Variants in RBFOX3 observed in about 807,000 individuals in gnomAD.
The protein encoded by RBFOX3 is RNA binding protein fox-1 homolog 3.
RBFOX3 carries 17 observed loss-of-function variants against 48.7 expected under a neutral mutation model. The ratio of observed to expected loss-of-function variants is 0.35; its 90% CI spans 0.24 to 0.52. The LOEUF (loss-of-function observed/expected upper bound fraction) is 0.52, where lower values mean the gene tolerates loss of function less well. Among genes scored for constraint, RBFOX3 ranks in the 20% least tolerant of loss-of-function variants. The pLI is 0.94. For missense variants in RBFOX3, 382 were observed against 497.5 expected, an observed-to-expected ratio of 0.77 and a Z score of 2.21; for synonymous variants, 212 against 209.5, an observed-to-expected ratio of 1.01 and a Z score of -0.10.
intron 2 of RBFOX3, among the ~76,000 whole-genome samples, chr17:79,417,112 G>C (rs1266887516): frequency 2.0e-5 from 3 of 152,236 alleles, no homozygotes; most frequent in African/African-American, 7.2e-5. Flanking sequence ...GGGGCAGCCA[G>C]GTGTTCTGCC....
In RBFOX3 at chr17:79,117,008, C is replaced by T. The variant is rs370792234; in HGVS notation, c.-33-1260G>A. Among the ~76,000 whole-genome samples the T allele has an allele frequency of 3.8e-3, 582 of 152,322 alleles. 8 individuals are homozygous for T. Among genetic ancestry groups the T allele is most frequent in the African/African-American group, 0.013 (555 of 41,574 alleles). On this transcript the variant is annotated intron_variant, in intron 4 of 14. Transcript: ENST00000693108. Reference sequence around the variant, plus strand: ...CTGAGAAGCAGCCCTGGTGGGGAGCCCTTATGATCCCAAGAGGAGGGCTGG... The same window carrying T: ...CTGAGAAGCAGCCCTGGTGGGGAGCTCTTATGATCCCAAGAGGAGGGCTGG...
At position 79,090,217 on chromosome 17, in the gene RBFOX3, G is replaced by A. The variant is rs2073632493; in HGVS notation, c.*666C>T. 6.6e-6 allele frequency: 1 copy of A among 152,336 alleles called. No homozygotes were observed. Among genetic ancestry groups the A allele is most frequent in the Non-Finnish European group, 1.5e-5 (1 of 68,122 alleles). The allele number at this position is 152,336 out of a possible 1,614,324, so 9.4% of individuals were successfully genotyped here. On this transcript the variant is annotated 3_prime_UTR_variant, in exon 15 of 15. Coordinates refer to ENST00000693108, the MANE Select transcript of RBFOX3 (RefSeq NM_001350451.2). ...TCCCATGGAGCGCCCCTGAGTCCTG[G>A]AGCCACGTCAGCCCTTTCTGTTGGG...
intron 2 of RBFOX3, among the ~76,000 whole-genome samples, chr17:79,382,661 G>T (rs114010623): frequency 0.025 from 3,830 of 152,292 alleles, 161 homozygotes; most frequent in African/African-American, 0.086. Flanking sequence ...ACACTCACGC[G>T]CATTTCCAAG....
At chr17:79,330,749 T>C (rs1207381817) in intron 2 of RBFOX3, among the ~76,000 whole-genome samples, 3 of 152,164 alleles carry the variant, frequency 2.0e-5, no homozygotes, top group Non-Finnish European at 1.5e-5. Context: ...TCTCTGGGTC[T>C]GAAGGTCCTT....
At chr17:79,150,587 T>G (rs4074991) in intron 4 of RBFOX3, among the ~76,000 whole-genome samples, 24,359 of 151,676 alleles carry the variant, frequency 0.16, 2,129 homozygotes, top group East Asian at 0.26. Context: ...CAATGGGAGG[T>G]GCAGGGCCAC....
intron 2 of RBFOX3, among the ~76,000 whole-genome samples, chr17:79,393,749 CGCACATCAGAGCTGGTCATCAT>C (rs1256237296): frequency 2.0e-5 from 3 of 150,506 alleles, no homozygotes; most frequent in Non-Finnish European, 2.9e-5. Flanking sequence ...CTGGTCATCA[CGCACATCAGAGCTGGTCATCAT>C]GCACATCAGA....
intron 2 of RBFOX3, among the ~76,000 whole-genome samples, chr17:79,464,192 C>T (rs561388711): frequency 3.3e-5 from 5 of 152,376 alleles, no homozygotes; most frequent in South Asian, 2.1e-4. Flanking sequence ...CTCTGCGAAA[C>T]GGGCGCACAT....
At chr17:79,399,768 C>A (rs1381132593) in intron 2 of RBFOX3, among the ~76,000 whole-genome samples, 2 of 152,244 alleles carry the variant, frequency 1.3e-5, no homozygotes, top group East Asian at 3.8e-4. Context: ...GGCCCCTCCC[C>A]GGGGAGCAGC....
At chr17:79,546,063 C>T (rs2090387862) in intron 1 of RBFOX3, among the ~76,000 whole-genome samples, 1 of 152,232 alleles carries the variant, frequency 6.6e-6, no homozygotes, top group East Asian at 1.9e-4. Flanking sequence ...CGCAGATTTG[C>T]ATAATGACAA....
chr17:79,250,187 G>A (rs2063730409), intron 3 of RBFOX3, among the ~76,000 whole-genome samples: 1 of 152,094 alleles, frequency 6.6e-6, no homozygotes, highest in Non-Finnish European at 1.5e-5. Context: ...TACTGGATAC[G>A]GCCTCAGAAG....
intron 4 of RBFOX3, among the ~76,000 whole-genome samples, chr17:79,223,374 C>T (rs1254757096): frequency 1.3e-5 from 2 of 152,238 alleles, no homozygotes; most frequent in East Asian, 1.9e-4. Context: ...TATCCACCCC[C>T]CTCACAAACA....
In RBFOX3 at chr17:79,443,690, G is replaced by C. The variant is rs1342853404; in HGVS notation, c.-175+38764C>G. On this transcript the variant is annotated intron_variant, in intron 2 of 14. Transcript: ENST00000693108. This position sits in a 1 kb window ranked among gnomAD's most constrained non-coding sequence, Gnocchi z 4.4. ...GAGCCACCGCACCCTCTTGTTCACTGTCTCACATGTGCACACACTCGTTCT... is the reference window on the plus strand; with the variant it reads ...GAGCCACCGCACCCTCTTGTTCACTCTCTCACATGTGCACACACTCGTTCT... Among the ~76,000 whole-genome samples, 2 of 152,162 alleles carry C rather than the reference G, an allele frequency of 1.3e-5. No homozygotes were observed. Among genetic ancestry groups the C allele is most frequent in the Non-Finnish European group, 2.9e-5 (2 of 68,038 alleles).
intron 1 of RBFOX3, among the ~76,000 whole-genome samples, chr17:79,507,384 A>C (rs2940230): frequency 0.94 from 142,575 of 152,190 alleles, 67,151 homozygotes; most frequent in Non-Finnish European, 0.98. Flanking sequence ...CTGAGGTTGG[A>C]GGGCCTAAAT....
At chr17:79,339,011 G>T (rs1247463823) in intron 2 of RBFOX3, among the ~76,000 whole-genome samples, 1 of 151,972 alleles carries the variant, frequency 6.6e-6, no homozygotes, top group Non-Finnish European at 1.5e-5. Flanking sequence ...GAATTCTGGG[G>T]AATAGAAAAT....
intron 4 of RBFOX3, among the ~76,000 whole-genome samples, chr17:79,191,078 G>A (rs577669137): frequency 2.0e-5 from 3 of 152,328 alleles, no homozygotes; most frequent in Middle Eastern, 3.4e-3. Flanking sequence ...CATCAACAGC[G>A]GGTGGGTCTG....
At chr17:79,623,640 G>C in the RBFOX3 span, among the ~76,000 whole-genome samples, 2 of 151,822 alleles carry the variant, frequency 1.3e-5, no homozygotes, top group Non-Finnish European at 2.9e-5. Flanking sequence ...ATGGTGAAAC[G>C]CTGTCTCTAC....
intron 1 of RBFOX3, among the ~76,000 whole-genome samples, chr17:79,523,511 G>A (rs1167272013): frequency 2.0e-5 from 3 of 152,094 alleles, no homozygotes; most frequent in Non-Finnish European, 4.4e-5. Context: ...CTCTTCTTGC[G>A]TTCCTCATGG....
chr17:79,405,253 G>T (rs923346934), intron 2 of RBFOX3, among the ~76,000 whole-genome samples: 1 of 152,036 alleles, frequency 6.6e-6, no homozygotes, highest in Non-Finnish European at 1.5e-5. Context: ...TCCTCCACAC[G>T]CTGCATCACA....
In RBFOX3 at chr17:79,563,076, G is replaced by T. The variant is rs1025382244; in HGVS notation, c.-320+47750C>A. 1.3e-4 allele frequency among the ~76,000 whole-genome samples: 20 copies of T among 152,346 alleles called. 1 individual carries two copies. In the South Asian group the frequency reaches 3.9e-3, roughly 30 times the overall value. ...GCAGCAGAGCGGGCGGGGGGAGCAA[G>T]AAGGCCTGGTTTGTCCTGAAGTTCC... is the stretch of plus-strand genomic sequence containing the variant. On this transcript the variant is annotated intron_variant, in intron 1 of 14. Transcript: ENST00000693108.
Sources: allele counts gnomAD v4.1 joint callset (sites outside exome capture counted in the v4.1 genomes callset), GRCh38; gene constraint gnomAD v4.1.1; non-coding constraint Gnocchi (gnomAD v3.1); transcripts MANE v1.5; gene names NCBI Gene and HGNC (gene_info 2026-07-23, HGNC 2026-07-21).